The following CDH8 variants were observed in gnomAD, a reference collection of about 807,000 sequenced individuals.
The protein encoded by CDH8 is cadherin-8.
Under a neutral mutation model 68.1 loss-of-function variants are expected in CDH8, and 17 were observed. That is an observed-to-expected ratio of 0.25 (90% confidence interval 0.17 to 0.37). The LOEUF (loss-of-function observed/expected upper bound fraction) is 0.37, where lower values mean the gene tolerates loss of function less well. CDH8 is among the 10% of genes least tolerant of loss of function. The pLI is 1.00. For synonymous variants in CDH8, 372 were observed against 365.1 expected (o/e 1.02, Z -0.21); for missense variants, 763 against 999.3 (o/e 0.76, Z 3.19).
At chr16:61,731,682 T>C (rs1394168220) in intron 8 of CDH8, among the ~76,000 whole-genome samples, 1 of 151,788 alleles carries the variant, frequency 6.6e-6, no homozygotes, top group Admixed American at 6.6e-5. Flanking sequence ...ATTGCTGCAT[T>C]GTATTATTGA....
intron 3 of CDH8, among the ~76,000 whole-genome samples, chr16:61,894,444 G>T (rs1166450458): frequency 6.6e-6 from 1 of 152,048 alleles, no homozygotes; most frequent in Non-Finnish European, 1.5e-5. Flanking sequence ...TGATATCAAT[G>T]GTGTGTCAAG....
At chr16:61,817,364 T>C in intron 7 of CDH8, 115 bp downstream of exon 7, 1 of 944,606 alleles carries the variant, frequency 1.1e-6, no homozygotes, top group Non-Finnish European at 1.7e-6. Context: ...CCAACATTAT[T>C]TGGTCATGTG....
chr16:61,859,694 G>A (rs1963115976), intron 3 of CDH8, among the ~76,000 whole-genome samples: 1 of 152,172 alleles, frequency 6.6e-6, no homozygotes, highest in Non-Finnish European at 1.5e-5. Context: ...TTTGATCTTT[G>A]TGGTAAGGTG....
chr16:61,816,114 G>C (rs1962067956), intron 7 of CDH8, among the ~76,000 whole-genome samples: 1 of 152,012 alleles, frequency 6.6e-6, no homozygotes, highest in Non-Finnish European at 1.5e-5. Context: ...CAAATCCCCA[G>C]GTAGTTTCAT....
At position 61,782,247 on chromosome 16, in the gene CDH8, C is replaced by T. The variant is rs551764532; in HGVS notation, c.1414+7099G>A. Among the ~76,000 whole-genome samples the T allele has an allele frequency of 9.0e-3, 1,375 of 152,254 alleles. 13 individuals are homozygous for T. The highest frequency in any genetic ancestry group is 0.025 in the South Asian group (123 of 4,824). The stretch of plus-strand genomic sequence containing the variant: ...GTGGGTGCGCGCACCGTCCGCGAGC[C>T]GAAGCAGGGCGAGGCATTGCCTCAC... On this transcript the variant is annotated intron_variant, in intron 8 of 11. Transcript: ENST00000577390.
chr16:62,012,710 A>G (rs1230235200), intron 2 of CDH8, among the ~76,000 whole-genome samples: 1 of 152,246 alleles, frequency 6.6e-6, no homozygotes, highest in African/African-American at 2.4e-5. Flanking sequence ...GGCGGAAAAA[A>G]GATTGAATAT....
At chr16:61,862,930 T>C (rs1963178215) in intron 3 of CDH8, among the ~76,000 whole-genome samples, 2 of 152,184 alleles carry the variant, frequency 1.3e-5, no homozygotes, top group Non-Finnish European at 2.9e-5. Flanking sequence ...TTTTGTCCCT[T>C]TGTCAAGGAT....
At chr16:61,941,939 C>A (rs1268242685) in intron 2 of CDH8, among the ~76,000 whole-genome samples, 1 of 152,134 alleles carries the variant, frequency 6.6e-6, no homozygotes, top group Admixed American at 6.5e-5. Flanking sequence ...ATACATTAAC[C>A]TGCTCCTCGT....
chr16:61,746,556 A>C (rs1291683080), intron 8 of CDH8, among the ~76,000 whole-genome samples: 3 of 140,110 alleles, frequency 2.1e-5, no homozygotes, highest in East Asian at 2.1e-4. Flanking sequence ...ATTCCCCCCC[A>C]ACACACACAC....
intron 2 of CDH8, among the ~76,000 whole-genome samples, chr16:61,949,097 T>C (rs1597083959): frequency 6.6e-6 from 1 of 152,014 alleles, no homozygotes; most frequent in Non-Finnish European, 1.5e-5. Context: ...AACTCATGAG[T>C]CTTGTAGTTG....
At chr16:61,787,063 T>C (rs1316493670) in intron 8 of CDH8, among the ~76,000 whole-genome samples, 5 of 143,562 alleles carry the variant, frequency 3.5e-5, no homozygotes, top group Non-Finnish European at 6.1e-5. Flanking sequence ...CCAAAAGCAA[T>C]GGCAACAAAA....
chr16:61,830,670 A>G (rs950381785), intron 4 of CDH8, among the ~76,000 whole-genome samples: 1 of 151,828 alleles, frequency 6.6e-6, no homozygotes, highest in African/African-American at 2.4e-5. Flanking sequence ...CAACATGTTC[A>G]GAAGCTCACA....
intron 8 of CDH8, among the ~76,000 whole-genome samples, chr16:61,738,316 T>C (rs1279467739): frequency 6.6e-6 from 1 of 152,166 alleles, no homozygotes; most frequent in Non-Finnish European, 1.5e-5. Flanking sequence ...TCTTGTTTAT[T>C]ACATTCGTCT....
At chr16:61,864,326 G>T (rs1963211908) in intron 3 of CDH8, among the ~76,000 whole-genome samples, 2 of 151,734 alleles carry the variant, frequency 1.3e-5, no homozygotes, top group Non-Finnish European at 2.9e-5. Flanking sequence ...TGGTTGGTTG[G>T]TTGGTTGGTT....
intron 7 of CDH8, among the ~76,000 whole-genome samples, chr16:61,796,468 G>T (rs934574488): frequency 3.3e-5 from 5 of 152,040 alleles, no homozygotes; most frequent in Non-Finnish European, 7.4e-5. Context: ...ATGGGAAGTG[G>T]CATGTGAGAA....
At chr16:62,033,512 C>A (rs894637633) in intron 1 of CDH8, among the ~76,000 whole-genome samples, 6 of 152,132 alleles carry the variant, frequency 3.9e-5, no homozygotes, top group African/African-American at 1.4e-4. Context: ...AGAGATTTAC[C>A]CATCTTGAAG....
At chr16:62,024,198 G>C (rs1902140948) in intron 1 of CDH8, among the ~76,000 whole-genome samples, 1 of 152,042 alleles carries the variant, frequency 6.6e-6, no homozygotes. Flanking sequence ...TCTAGTGTCA[G>C]CCTGCTTGGG....
intron 10 of CDH8, among the ~76,000 whole-genome samples, chr16:61,678,938 T>G (rs1484886914): frequency 6.6e-6 from 1 of 151,974 alleles, no homozygotes; most frequent in Non-Finnish European, 1.5e-5. Flanking sequence ...ACATAGACAA[T>G]GTCATGACCT....
rs193239869 is a variant in CDH8, at chr16:61,676,093, C to G, written c.1655-20372G>C. Among the ~76,000 whole-genome samples, 326 of 147,584 alleles carry G rather than the reference C, an allele frequency of 2.2e-3. 3 individuals are homozygous for G. Among genetic ancestry groups the G allele is most frequent in the African/African-American group, 7.9e-3 (316 of 40,124 alleles). On this transcript the variant is annotated intron_variant, in intron 10 of 11. Coordinates refer to ENST00000577390, the MANE Select transcript of CDH8 (RefSeq NM_001796.5). ...ATAAGTCCTCAAATAAAAAGGCAGT[C>G]ATTGCATGACTAGATTTAAAAACTT... is the stretch of plus-strand genomic sequence containing the variant.
Sources: gnomAD v4.1 joint callset for allele counts (sites outside exome capture counted in the v4.1 genomes callset) on GRCh38, gnomAD v4.1.1 for gene constraint, MANE v1.5 for transcripts, NCBI Gene and HGNC (gene_info 2026-07-23, HGNC 2026-07-21) for gene names.